FHIT: variants seen among roughly 807,000 people sequenced by gnomAD.
FHIT encodes bis(5'-adenosyl)-triphosphatase.
FHIT carries 19 observed loss-of-function variants against 17.9 expected under a neutral mutation model. The ratio of observed to expected loss-of-function variants is 1.06; its 90% CI spans 0.74 to 1.56. The LOEUF (loss-of-function observed/expected upper bound fraction) is 1.56, where lower values mean the gene tolerates loss of function less well. Ranked by LOEUF, FHIT falls within the 40% of genes most tolerant of loss-of-function variation. FHIT has a pLI of 0.00. For synonymous variants in FHIT, 81 were observed against 69.7 expected (o/e 1.16, Z -0.81); for missense variants, 248 against 189.2 (o/e 1.31, Z -1.82).
intron 2 of FHIT, among the ~76,000 whole-genome samples, chr3:61,193,300 G>A (rs1404045612): frequency 6.6e-6 from 1 of 152,174 alleles, no homozygotes; most frequent in Non-Finnish European, 1.5e-5. Flanking sequence ...CTGGCACCCT[G>A]CTTCCTGGCA....
chr3:60,117,866 C>T (rs1270690996), intron 5 of FHIT, among the ~76,000 whole-genome samples: 1 of 152,124 alleles, frequency 6.6e-6, no homozygotes. Context: ...AGAAAGACCA[C>T]CAACTGCAGG....
Position 60,424,016 on chromosome 3 carries a change from T to C in FHIT, c.103+112844A>G, listed in dbSNP as rs1156245976. Among the ~76,000 whole-genome samples the C allele has an allele frequency of 3.3e-5, 5 of 152,334 alleles. No homozygotes were observed. The South Asian group carries it at 8.3e-4, about 25-fold the overall frequency. ...GATTATAATTGTACTACAGTAACTA[T>C]AGTGATAAAGGTAAACACTTACATG... On this transcript the variant is annotated intron_variant, in intron 5 of 9. Coordinates refer to ENST00000492590, the MANE Select transcript of FHIT (RefSeq NM_002012.4).
intron 4 of FHIT, among the ~76,000 whole-genome samples, chr3:60,766,646 C>A (rs1185210130): frequency 9.5e-6 from 1 of 104,936 alleles, no homozygotes; most frequent in African/African-American, 5.8e-5. Flanking sequence ...AACATGGGAG[C>A]CTTTTCAAAT....
intron 4 of FHIT, among the ~76,000 whole-genome samples, chr3:60,816,790 T>C (rs1382734221): frequency 6.6e-6 from 1 of 152,024 alleles, no homozygotes; most frequent in East Asian, 1.9e-4. Flanking sequence ...TTTGGAATAG[T>C]TCAGTAGAAT....
intron 3 of FHIT, among the ~76,000 whole-genome samples, chr3:60,960,558 GCTATC>G (rs1335922918): frequency 1.2e-4 from 19 of 152,204 alleles, no homozygotes; most frequent in Non-Finnish European, 2.5e-4. Context: ...ATTTCCTAAT[GCTATC>G]CGTCCCTCCT....
chr3:60,922,006 C>A (rs1699550653), intron 3 of FHIT, among the ~76,000 whole-genome samples: 1 of 152,178 alleles, frequency 6.6e-6, no homozygotes, highest in African/African-American at 2.4e-5. Flanking sequence ...CCAGGCACTG[C>A]CTGCAGCAGG....
At chr3:60,678,125 G>A (rs1442836105) in intron 4 of FHIT, among the ~76,000 whole-genome samples, 1 of 151,646 alleles carries the variant, frequency 6.6e-6, no homozygotes, top group African/African-American at 2.4e-5. Flanking sequence ...ACTTATCCTT[G>A]GTATTGTTAT....
intron 4 of FHIT, among the ~76,000 whole-genome samples, chr3:60,563,523 TA>T (rs1383805065): frequency 1.3e-5 from 2 of 152,230 alleles, no homozygotes; most frequent in African/African-American, 4.8e-5. Flanking sequence ...GGCCAAAAGC[TA>T]GGCCTCTTGG....
rs139008744 is a variant in FHIT, at chr3:61,054,062, T to C, written c.-163-11963A>G. Among the ~76,000 whole-genome samples, 51 of 152,340 alleles carry C rather than the reference T, an allele frequency of 3.3e-4. No homozygotes were observed. The East Asian group carries it at 9.3e-3, about 28-fold the overall frequency. ...AGGCTCTCACAGCCCAGCTAGTCCCTGATGTCACAGCCTGTGTGAATAAAC... is the reference window on the plus strand; with the variant it reads ...AGGCTCTCACAGCCCAGCTAGTCCCCGATGTCACAGCCTGTGTGAATAAAC... On this transcript the variant is annotated intron_variant, in intron 2 of 9. Transcript: ENST00000492590.
intron 3 of FHIT, among the ~76,000 whole-genome samples, chr3:60,967,785 TTTATAA>T (rs1709818069): frequency 6.6e-6 from 1 of 152,230 alleles, no homozygotes; most frequent in African/African-American, 2.4e-5. Context: ...ACTTTCACTA[TTTATAA>T]TTATTTTTCT....
intron 4 of FHIT, among the ~76,000 whole-genome samples, chr3:60,582,938 C>A (rs1304612557): frequency 1.3e-5 from 2 of 151,950 alleles, no homozygotes; most frequent in Admixed American, 6.6e-5. Context: ...AAAAAAGTAG[C>A]TGAGCTAGGA....
At chr3:60,437,014 C>T (rs942416683) in intron 5 of FHIT, among the ~76,000 whole-genome samples, 1 of 152,006 alleles carries the variant, frequency 6.6e-6, no homozygotes, top group Non-Finnish European at 1.5e-5. Context: ...TAACAAGCAC[C>T]TCGTATTTTG....
chr3:60,115,293 G>C (rs1299150843), intron 5 of FHIT, among the ~76,000 whole-genome samples: 6 of 152,156 alleles, frequency 3.9e-5, no homozygotes. Flanking sequence ...AACATCTTCA[G>C]ACAGAGTGCT....
chr3:60,202,198 A>G (rs985151379), intron 5 of FHIT, among the ~76,000 whole-genome samples: 22 of 152,206 alleles, frequency 1.4e-4, no homozygotes, highest in African/African-American at 5.3e-4. Flanking sequence ...GTGCCTTTAA[A>G]GCATATCACT....
In FHIT at chr3:59,756,130, T is replaced by C. The variant is rs1029395688; in HGVS notation, c.349-3809A>G. On this transcript the variant is annotated intron_variant, in intron 8 of 9. Transcript: ENST00000492590. Reference sequence around the variant, plus strand: ...ACACTGACCTAATGACAGCGAGCACTAAAAATTCCACAGAGGTTGTTTCTA... The same window carrying C: ...ACACTGACCTAATGACAGCGAGCACCAAAAATTCCACAGAGGTTGTTTCTA... Among the ~76,000 whole-genome samples the C allele has an allele frequency of 3.3e-5, 5 of 152,180 alleles. No individual in the cohort carries two copies. In the East Asian group the frequency reaches 9.6e-4, roughly 29 times the overall value.
At chr3:60,397,249 C>G (rs1701481331) in intron 5 of FHIT, among the ~76,000 whole-genome samples, 2 of 152,088 alleles carry the variant, frequency 1.3e-5, no homozygotes, top group South Asian at 4.1e-4. Flanking sequence ...GTTCTTTGAC[C>G]AAAAGACACA....
At chr3:61,155,489 T>C (rs2037509919) in intron 2 of FHIT, among the ~76,000 whole-genome samples, 1 of 152,146 alleles carries the variant, frequency 6.6e-6, no homozygotes, top group Admixed American at 6.5e-5. Flanking sequence ...TTATAAAAGT[T>C]TTCAAATAAA....
chr3:60,558,718 C>T (rs2036828443), intron 4 of FHIT, among the ~76,000 whole-genome samples: 1 of 152,186 alleles, frequency 6.6e-6, no homozygotes, highest in Admixed American at 6.5e-5. Flanking sequence ...CTTCCTCCTG[C>T]ACTGTAGGCA....
intron 8 of FHIT, among the ~76,000 whole-genome samples, chr3:59,837,459 G>A (rs1213413837): frequency 1.3e-5 from 2 of 152,104 alleles, no homozygotes; most frequent in Non-Finnish European, 2.9e-5. Flanking sequence ...CACTTGTTCA[G>A]TACAAACACA....
Sources: gnomAD v4.1 joint callset for allele counts (sites outside exome capture counted in the v4.1 genomes callset) on GRCh38, gnomAD v4.1.1 for gene constraint, MANE v1.5 for transcripts, NCBI Gene and HGNC (gene_info 2026-07-23, HGNC 2026-07-21) for gene names.